Variants in WDFY3 observed in about 807,000 individuals in gnomAD.
The protein encoded by WDFY3 is WD repeat and FYVE domain containing 3.
A neutral mutation model predicts 409.6 loss-of-function variants in WDFY3; 66 were observed. The observed-to-expected ratio is 0.16, with a 90% CI of 0.13 to 0.20. The LOEUF is 0.20. Among genes scored for constraint, WDFY3 ranks in the 10% least tolerant of loss-of-function variants. The pLI is 1.00. For synonymous variants in WDFY3, 1,521 were observed against 1,537.1 expected, an observed-to-expected ratio of 0.99 and a Z score of 0.25; for missense variants, 3,031 against 4,298.1, an observed-to-expected ratio of 0.71 and a Z score of 8.24.
intron 45 of WDFY3, 95 bp from the exon 46 acceptor site, chr4:84,724,689 C>A: frequency 7.2e-7 from 1 of 1,392,706 alleles, no homozygotes; most frequent in Non-Finnish European, 9.5e-7. Context: ...GGTGTGTTAC[C>A]TTTTTAAAGG....
intron 67 of WDFY3, among the ~76,000 whole-genome samples, chr4:84,675,881 T>C (rs1278449996): frequency 6.6e-6 from 1 of 152,150 alleles, no homozygotes; most frequent in African/African-American, 2.4e-5. Context: ...CCACTGACCT[T>C]TCATATGGGG....
chr4:84,696,546 A>G (rs1189266564), intron 57 of WDFY3, among the ~76,000 whole-genome samples, 186 bp downstream of exon 57: 1 of 152,128 alleles, frequency 6.6e-6, no homozygotes, highest in South Asian at 2.1e-4. Flanking sequence ...ATATATATAT[A>G]TAGGGTTTGG....
chr4:84,759,466 C>T (rs1742104473), intron 32 of WDFY3, among the ~76,000 whole-genome samples: 3 of 150,908 alleles, frequency 2.0e-5, no homozygotes, highest in South Asian at 2.1e-4. Flanking sequence ...TGTTTGTATC[C>T]TCTTTTATTT....
chr4:84,852,793 TG>T (rs1364203702), intron 4 of WDFY3, among the ~76,000 whole-genome samples: 5 of 152,168 alleles, frequency 3.3e-5, no homozygotes, highest in Middle Eastern at 3.4e-3. Flanking sequence ...GGTCTTACTC[TG>T]TCATTCAGGC....
chr4:84,703,975 T>C (rs1426059110), intron 55 of WDFY3, among the ~76,000 whole-genome samples: 1 of 152,198 alleles, frequency 6.6e-6, no homozygotes, highest in East Asian at 1.9e-4. Flanking sequence ...TATTAAATAT[T>C]TGCTGAATAA....
chr4:84,838,094 A>G (rs1756845787), intron 6 of WDFY3, among the ~76,000 whole-genome samples: 1 of 152,334 alleles, frequency 6.6e-6, no homozygotes, highest in African/African-American at 2.4e-5. Context: ...TGGAAGATAC[A>G]TAGGAGGTTA....
At chr4:84,816,333 T>TG (rs1341681312) in intron 13 of WDFY3, among the ~76,000 whole-genome samples, 1 of 152,140 alleles carries the variant, frequency 6.6e-6, no homozygotes, top group African/African-American at 2.4e-5. Context: ...GCAGATAAGC[T>TG]GAAAGCACAG....
At chr4:84,820,971 A>G in intron 11 of WDFY3, 113 bp downstream of exon 11, 1 of 1,053,996 alleles carries the variant, frequency 9.5e-7, no homozygotes, top group Non-Finnish European at 1.4e-6. Flanking sequence ...TGTCACAATA[A>G]TGCACATTAG....
At chr4:84,767,112 A>AC (rs1743787504) in intron 30 of WDFY3, among the ~76,000 whole-genome samples, 1 of 144,798 alleles carries the variant, frequency 6.9e-6, no homozygotes, top group Non-Finnish European at 1.5e-5. Flanking sequence ...CAATCAGGCC[A>AC]TTTTTTTTTT....
At chr4:84,725,264 A>T (rs1735481643) in intron 45 of WDFY3, among the ~76,000 whole-genome samples, 1 of 152,178 alleles carries the variant, frequency 6.6e-6, no homozygotes, top group Non-Finnish European at 1.5e-5. Context: ...CTGTTGTGTA[A>T]AGGAATATGA....
chr4:84,916,059 A>G (rs1328912853), intron 2 of WDFY3, among the ~76,000 whole-genome samples: 1 of 152,208 alleles, frequency 6.6e-6, no homozygotes, highest in African/African-American at 2.4e-5. Context: ...AATCATAAAA[A>G]TATCATGTTT....
intron 1 of WDFY3, among the ~76,000 whole-genome samples, chr4:84,959,103 A>G (rs1314367208): frequency 1.3e-5 from 2 of 152,210 alleles, no homozygotes; most frequent in African/African-American, 4.8e-5. Context: ...TCCCTGATAT[A>G]GCGCTATCAC....
chr4:84,734,891 T>C lies in WDFY3; in HGVS notation c.6993+152A>G, dbSNP rs562915755. ...TCCATCCTAAAATCAGTAGCCAAAG[T>C]AGCTGATGGCAGGAATAATTAAAAC... is the stretch of plus-strand genomic sequence containing the variant. On this transcript the variant is annotated intron_variant, in intron 43 of 67. Transcript: ENST00000295888. The C allele has an allele frequency of 1.2e-5, 8 of 649,662 alleles. No individual in the cohort carries two copies. In the African/African-American group the frequency reaches 1.3e-4, roughly 11 times the overall value. 40.2% of individuals were successfully genotyped at this position (649,662 alleles called of 1,614,324 possible).
At chr4:84,673,361 C>T (rs1456704179) in intron 67 of WDFY3, among the ~76,000 whole-genome samples, 2 of 152,088 alleles carry the variant, frequency 1.3e-5, no homozygotes, top group African/African-American at 4.8e-5. Flanking sequence ...ATGTCTTTAC[C>T]TGGAGCTTGA....
chr4:84,826,028 G>A (rs1209149051), intron 10 of WDFY3, among the ~76,000 whole-genome samples: 3 of 152,090 alleles, frequency 2.0e-5, no homozygotes, highest in Non-Finnish European at 4.4e-5. Context: ...CGACCCAAAT[G>A]AAATAATGTA....
At chr4:84,727,731 T>C (rs1735899443) in intron 44 of WDFY3, among the ~76,000 whole-genome samples, 2 of 152,206 alleles carry the variant, frequency 1.3e-5, no homozygotes, top group Admixed American at 6.5e-5. Context: ...TTCTGGTACC[T>C]TTCCCTATAG....
intron 1 of WDFY3, among the ~76,000 whole-genome samples, chr4:84,946,484 A>T (rs1175164654): frequency 6.6e-6 from 1 of 152,212 alleles, no homozygotes; most frequent in Non-Finnish European, 1.5e-5. Context: ...GCCCTATGGC[A>T]CTGCCTCTGG....
intron 57 of WDFY3, 60 bp from the exon 58 acceptor site, chr4:84,696,242 G>C (rs1306112119): frequency 6.6e-7 from 1 of 1,517,534 alleles, no homozygotes; most frequent in Non-Finnish European, 9.0e-7. Flanking sequence ...TCAGAGACTA[G>C]AAAAACCTTG....
intron 2 of WDFY3, among the ~76,000 whole-genome samples, chr4:84,916,288 T>C (rs1478148163): frequency 6.6e-6 from 1 of 152,040 alleles, no homozygotes; most frequent in African/African-American, 2.4e-5. Flanking sequence ...TGCAGCAACA[T>C]CCTCCCATCA....
Sources: allele counts gnomAD v4.1 joint callset (sites outside exome capture counted in the v4.1 genomes callset), GRCh38; gene constraint gnomAD v4.1.1; transcripts MANE v1.5; gene names NCBI Gene and HGNC (gene_info 2026-07-23, HGNC 2026-07-21).